DDR2: variants seen among roughly 807,000 people sequenced by gnomAD.
The protein encoded by DDR2 is discoidin domain receptor tyrosine kinase 2.
In DDR2, 27 loss-of-function variants were observed where a neutral mutation model predicts 94.9. The observed-to-expected ratio is 0.28, with a 90% CI of 0.21 to 0.39. The LOEUF is 0.39. DDR2 is among the 10% of genes least tolerant of loss of function. DDR2 has a pLI of 1.00. For missense variants in DDR2, 783 were observed against 1,076.0 expected (o/e 0.73, Z 3.81); for synonymous variants, 382 against 377.2 (o/e 1.01, Z -0.15).
intron 2 of DDR2, among the ~76,000 whole-genome samples, chr1:162,703,836 C>T (rs1298227470): frequency 6.6e-6 from 1 of 152,164 alleles, no homozygotes; most frequent in African/African-American, 2.4e-5. Context: ...CCAGCCTTTC[C>T]AGAGTGTGTC....
At chr1:162,755,350 A>G (rs1276846101) in intron 6 of DDR2, 47 bp downstream of exon 6, 1 of 1,610,270 alleles carries the variant, frequency 6.2e-7, no homozygotes, top group Non-Finnish European at 8.5e-7. Context: ...AAAAACTCCA[A>G]CTTCTGGGAA....
chr1:162,663,764 G>A (rs937847764), intron 2 of DDR2, among the ~76,000 whole-genome samples: 2 of 152,160 alleles, frequency 1.3e-5, no homozygotes, highest in Admixed American at 6.5e-5. Context: ...CCCTGCTCTG[G>A]GAAGACCGGT....
rs1050990901 is a variant in DDR2 at position 162,780,398 on chromosome 1, C to A, written c.*152C>A. The A allele has an allele frequency of 2.6e-5, 29 of 1,133,770 alleles. No homozygotes were observed. The highest frequency in any genetic ancestry group is 3.4e-5 in the Non-Finnish European group (27 of 785,852). 70.2% of individuals were successfully genotyped at this position (1,133,770 alleles called of 1,614,324 possible). A position where few individuals can be genotyped will look rare whatever the true frequency, so the allele number is the denominator to read the frequency against. On this transcript the variant is annotated 3_prime_UTR_variant, in exon 18 of 18. Transcript: ENST00000367921. Reference sequence around the variant, plus strand: ...CCCTCTTTTCCTGGTCACCCCCACTCCCTACCCCTGACTCATATACACTTT... The same window carrying A: ...CCCTCTTTTCCTGGTCACCCCCACTACCTACCCCTGACTCATATACACTTT...
intron 3 of DDR2, among the ~76,000 whole-genome samples, chr1:162,727,651 C>T (rs1034900067): frequency 2.7e-5 from 4 of 149,268 alleles, no homozygotes; most frequent in African/African-American, 9.7e-5. Flanking sequence ...CCTATATAAG[C>T]CAAGCACTGT....
rs548684645 is a variant in DDR2 at position 162,763,936 on chromosome 1, G to A, written c.1100-2065G>A. 5.7e-4 allele frequency among the ~76,000 whole-genome samples: 87 copies of A among 152,098 alleles called. 1 individual carries two copies. The highest frequency in any genetic ancestry group is 1.9e-3 in the African/African-American group (80 of 41,468). ...TTTTCTTCATCCTATTATTCAAAAAGCAATACCAATATTATTACTAGCAAC... is the reference window on the plus strand; with the variant it reads ...TTTTCTTCATCCTATTATTCAAAAAACAATACCAATATTATTACTAGCAAC... On this transcript the variant is annotated intron_variant, in intron 9 of 17. Coordinates refer to ENST00000367921, the MANE Select transcript of DDR2 (RefSeq NM_006182.4).
At chr1:162,719,345 G>A (rs1661308876) in intron 3 of DDR2, 200 bp downstream of exon 3, 8 of 689,704 alleles carry the variant, frequency 1.2e-5, no homozygotes, top group African/African-American at 1.9e-5. Flanking sequence ...ACAACCTGTT[G>A]AATATTGTAA....
At chr1:162,731,941 A>T (rs985696498) in intron 3 of DDR2, among the ~76,000 whole-genome samples, 1 of 152,188 alleles carries the variant, frequency 6.6e-6, no homozygotes, top group Non-Finnish European at 1.5e-5. Context: ...ATAGCTACCC[A>T]GTTTCCTCTT....
At chr1:162,631,004 T>C (rs543728173), upstream of DDR2, among the ~76,000 whole-genome samples, 109 of 152,326 alleles carry the variant, frequency 7.2e-4, 1 homozygote, top group Non-Finnish European at 1.2e-3. Context: ...CTGCCTTTAA[T>C]CATTTCCATG....
At chr1:162,729,158 C>T (rs1461768671) in intron 3 of DDR2, among the ~76,000 whole-genome samples, 1 of 150,694 alleles carries the variant, frequency 6.6e-6, no homozygotes, top group African/African-American at 2.4e-5. Flanking sequence ...ATTAAGGTCC[C>T]TTGTGGTCCC....
intron 2 of DDR2, among the ~76,000 whole-genome samples, chr1:162,685,804 A>T (rs1659659439): frequency 6.6e-6 from 1 of 152,174 alleles, no homozygotes; most frequent in African/African-American, 2.4e-5. Flanking sequence ...ATGAAGAAGG[A>T]TTTATCATTA....
chr1:162,651,804 G>C (rs1053786417), intron 1 of DDR2, among the ~76,000 whole-genome samples: 1 of 151,970 alleles, frequency 6.6e-6, no homozygotes, highest in Non-Finnish European at 1.5e-5. Flanking sequence ...AAAATGAGTC[G>C]AATCTTGGTT....
At chr1:162,719,239 G>C in intron 3 of DDR2, 94 bp downstream of exon 3, 3 of 1,595,528 alleles carry the variant, frequency 1.9e-6, no homozygotes, top group Non-Finnish European at 2.6e-6. Flanking sequence ...TGCCAAGAGG[G>C]ACTACAAAGC....
At chr1:162,668,363 A>G (rs1451911267) in intron 2 of DDR2, among the ~76,000 whole-genome samples, 1 of 152,172 alleles carries the variant, frequency 6.6e-6, no homozygotes, top group Non-Finnish European at 1.5e-5. Context: ...GAAGAAAAGG[A>G]ATAATGGATC....
intron 1 of DDR2, among the ~76,000 whole-genome samples, chr1:162,645,297 T>C (rs1181753778): frequency 6.6e-6 from 1 of 152,198 alleles, no homozygotes; most frequent in Non-Finnish European, 1.5e-5. Context: ...TTTTTTCAGC[T>C]TTTTGGGTGA....
chr1:162,692,652 T>G (rs986056256), intron 2 of DDR2, among the ~76,000 whole-genome samples: 1 of 152,230 alleles, frequency 6.6e-6, no homozygotes, highest in Non-Finnish European at 1.5e-5. Context: ...CAAGCATTGT[T>G]GAAGACTTGA....
chr1:162,694,829 C>G (rs1051618003), intron 2 of DDR2, among the ~76,000 whole-genome samples: 1 of 152,156 alleles, frequency 6.6e-6, no homozygotes, highest in Non-Finnish European at 1.5e-5. Flanking sequence ...AGCAGACTAG[C>G]TTTGTGTTTG....
At chr1:162,760,546 A>G (rs949046583) in intron 8 of DDR2, among the ~76,000 whole-genome samples, 8 of 148,178 alleles carry the variant, frequency 5.4e-5, no homozygotes, top group African/African-American at 2.0e-4. Flanking sequence ...AGATATATGT[A>G]TATACATATA....
intron 2 of DDR2, among the ~76,000 whole-genome samples, chr1:162,686,899 C>T (rs776911806): frequency 3.3e-5 from 5 of 152,146 alleles, no homozygotes; most frequent in South Asian, 2.1e-4. Context: ...TTTTTGTTGA[C>T]GACAAAAAGT....
At chr1:162,746,361 T>C (rs1038905952) in intron 3 of DDR2, among the ~76,000 whole-genome samples, 2 of 152,194 alleles carry the variant, frequency 1.3e-5, no homozygotes, top group Non-Finnish European at 2.9e-5. Flanking sequence ...CCACGGAGCC[T>C]TGCTCACTGC....
Sources: gnomAD v4.1 joint callset for allele counts (sites outside exome capture counted in the v4.1 genomes callset) on GRCh38, gnomAD v4.1.1 for gene constraint, MANE v1.5 for transcripts, NCBI Gene and HGNC (gene_info 2026-07-23, HGNC 2026-07-21) for gene names.